SLC5A11: variants seen among roughly 807,000 people sequenced by gnomAD.
The protein encoded by SLC5A11 is solute carrier family 5 member 11.
SLC5A11 carries 48 observed loss-of-function variants against 69.8 expected under a neutral mutation model. The ratio of observed to expected loss-of-function variants is 0.69; its 90% CI spans 0.55 to 0.87. The LOEUF is 0.87. Ranked by LOEUF, SLC5A11 falls within the 40% of genes least tolerant of loss-of-function variation. The probability of loss-of-function intolerance (pLI) is 0.00; values close to 1 mark genes in which losing one functional copy is unlikely to be tolerated. For missense variants in SLC5A11, 784 were observed against 866.1 expected, an observed-to-expected ratio of 0.91 and a Z score of 1.19; for synonymous variants, 319 against 342.4, an observed-to-expected ratio of 0.93 and a Z score of 0.75.
In SLC5A11 at chr16:24,888,781, T is replaced by C. The variant is rs11866463; in HGVS notation, c.665-2088T>C. 1.6e-3 allele frequency among the ~76,000 whole-genome samples: 185 copies of C among 114,758 alleles called. 1 individual carries two copies. Among genetic ancestry groups the C allele is most frequent in the Middle Eastern group, 5.0e-3 (1 of 200 alleles). 75.3% of individuals were successfully genotyped at this position (114,758 alleles called of 152,430 possible). A position where few individuals can be genotyped will look rare whatever the true frequency, so the allele number is the denominator to read the frequency against. On this transcript the variant is annotated intron_variant, in intron 8 of 15. Transcript: ENST00000347898. ...TTACAGGTGTGAGCCACCGTGCCTG[T>C]CCTTTTTTTTTTTTTTTTTTTTTTT...
In SLC5A11 at chr16:24,875,566, G is replaced by C. The variant is rs774926134; in HGVS notation, c.373-61G>C. On this transcript the variant is annotated intron_variant, in intron 5 of 15. Coordinates refer to ENST00000347898, the Ensembl canonical transcript of SLC5A11. ...AGGAGCAGATGGGAAGGGCTTGTGT[G>C]GGGGGGTCACGTGCTGGTGGTGAAG... 4.1e-5 allele frequency: 24 copies of C among 587,284 alleles called. 1 individual carries two copies. Among genetic ancestry groups the C allele is most frequent in the African/African-American group, 1.6e-4 (6 of 37,888 alleles). 36.4% of individuals were successfully genotyped at this position (587,284 alleles called of 1,614,324 possible).
At chr16:24,873,468 C>A (rs2047467810) in intron 5 of SLC5A11, among the ~76,000 whole-genome samples, 1 of 151,716 alleles carries the variant, frequency 6.6e-6, no homozygotes, top group Non-Finnish European at 1.5e-5. Flanking sequence ...CCCATCTCTA[C>A]AAAAATAATT....
chr16:24,888,672 TG>T (rs1273815457), intron 8 of SLC5A11, among the ~76,000 whole-genome samples: 1 of 149,624 alleles, frequency 6.7e-6, no homozygotes, highest in Non-Finnish European at 1.5e-5. Context: ...TTAGTAGAGA[TG>T]GGGTTTCACC....
chr16:24,889,651 C>T (rs796903238), intron 8 of SLC5A11, among the ~76,000 whole-genome samples: 3 of 141,328 alleles, frequency 2.1e-5, no homozygotes, highest in Admixed American at 7.9e-5. Flanking sequence ...CTCCAGGAGA[C>T]GTTCTCCTGC....
At chr16:24,850,511 G>A (rs1486821605) in intron 1 of SLC5A11, among the ~76,000 whole-genome samples, 1 of 152,220 alleles carries the variant, frequency 6.6e-6, no homozygotes, top group African/African-American at 2.4e-5. Flanking sequence ...CCCAGGAGTG[G>A]TAGGAAAGGG....
chr16:24,851,899 T>G (rs1255754881), intron 1 of SLC5A11, among the ~76,000 whole-genome samples: 3 of 151,914 alleles, frequency 2.0e-5, no homozygotes, highest in Non-Finnish European at 2.9e-5. Flanking sequence ...TCCTGGAGAG[T>G]CTGTTGCTCA....
At chr16:24,909,157 ACT>A (rs2050308697) in intron 14 of SLC5A11, 61 bp downstream of exon 15, 1 of 1,542,886 alleles carries the variant, frequency 6.5e-7, no homozygotes. Flanking sequence ...CAGAAAACTG[ACT>A]CAAACTGACT....
At chr16:24,900,386 G>C (rs903856938) in intron 10 of SLC5A11, among the ~76,000 whole-genome samples, 1 of 152,194 alleles carries the variant, frequency 6.6e-6, no homozygotes, top group Non-Finnish European at 1.5e-5. Flanking sequence ...TTAAGAAGCA[G>C]GAGAAAAGAG....
At chr16:24,907,125 G>C in exon 12 of SLC5A11, 2 of 1,614,082 alleles carry the variant, frequency 1.2e-6, no homozygotes, top group South Asian at 1.1e-5. Flanking sequence ...TGGACCTCTG[G>C]AATCACCTCC....
intron 3 of SLC5A11, among the ~76,000 whole-genome samples, chr16:24,865,937 G>A (rs2046891519): frequency 6.6e-6 from 1 of 151,540 alleles, no homozygotes; most frequent in South Asian, 2.1e-4. Flanking sequence ...AAAGACAGTT[G>A]CATAAATAGC....
chr16:24,859,498 T>C (rs1044719251), intron 2 of SLC5A11, among the ~76,000 whole-genome samples: 1 of 152,120 alleles, frequency 6.6e-6, no homozygotes, highest in African/African-American at 2.4e-5. Context: ...AAAAATCACT[T>C]ATGACAAGCG....
chr16:24,849,589 A>ATACATATAT (rs60706405), intron 1 of SLC5A11, among the ~76,000 whole-genome samples: 1 of 63,774 alleles, frequency 1.6e-5, no homozygotes, highest in Non-Finnish European at 3.3e-5. Flanking sequence ...AAAAAAAAAA[A>ATACATATAT]AAAAATATAT....
chr16:24,897,597 T>A (rs274089), intron 9 of SLC5A11, among the ~76,000 whole-genome samples: 30,294 of 152,152 alleles, frequency 0.2, 3,712 homozygotes, highest in South Asian at 0.42. Context: ...ACACTGCTGA[T>A]AAAGACATAC....
At chr16:24,886,600 A>G (rs7200155) in intron 8 of SLC5A11, among the ~76,000 whole-genome samples, 58,630 of 151,862 alleles carry the variant, frequency 0.39, 12,539 homozygotes, top group Non-Finnish European at 0.49. Flanking sequence ...CTAGGTGTGA[A>G]GGGTTTGCTG....
At position 24,877,365 on chromosome 16, in the gene SLC5A11, T is replaced by G; in HGVS notation, c.583+2T>G. ...TCACTGCTGTATACACGGTTGCTGG[T>G]AAGACTGAACAAAGGGTAACACCTA... On this transcript the variant is annotated splice_donor_variant, in intron 7 of 15. Coordinates refer to ENST00000347898, the Ensembl canonical transcript of SLC5A11. LOFTEE classifies it high-confidence loss of function. The G allele has an allele frequency of 6.2e-7, 1 of 1,611,726 alleles. No homozygotes were observed. Among genetic ancestry groups the G allele is most frequent in the Non-Finnish European group, 8.5e-7 (1 of 1,178,082 alleles).
chr16:24,891,439 T>G (rs1388414188), intron 9 of SLC5A11, among the ~76,000 whole-genome samples: 1 of 151,270 alleles, frequency 6.6e-6, no homozygotes, highest in East Asian at 1.9e-4. Flanking sequence ...GTCAGCCTCC[T>G]GAGTAGCTGG....
exon 7 of SLC5A11, chr16:24,877,303 C>T: frequency 6.2e-7 from 1 of 1,614,084 alleles, no homozygotes; most frequent in South Asian, 1.1e-5. Flanking sequence ...GTCTTTGCAC[C>T]TGGATCTGTA....
rs1266188129 is a variant in SLC5A11 at position 24,877,277 on chromosome 16, C to T, written c.497C>T (p.Ala166Val). Residue 166 changes from alanine (A) to valine (V), a missense_variant, in exon 7 of 16, where the codon GCC becomes GTC. By Grantham distance (64) the Ala-to-Val change is moderately conservative. Around this residue, in one of 3 missense-constraint regions of SLC5A11, gnomAD observed 101 missense variants for 152.4 expected, o/e 0.66. Coordinates refer to ENST00000347898, the Ensembl canonical transcript of SLC5A11. Reference sequence around the variant, plus strand: ...TCACAGGTAGACATGTATGCAGGTGCCATCTTCATCCAGCAGTCTTTGCAC... The same window carrying T: ...TCACAGGTAGACATGTATGCAGGTGTCATCTTCATCCAGCAGTCTTTGCAC... 4.3e-6 allele frequency: 7 copies of T among 1,613,906 alleles called. No homozygotes were observed. In the Admixed American group the frequency reaches 8.3e-5, roughly 19 times the overall value.
intron 5 of SLC5A11, among the ~76,000 whole-genome samples, chr16:24,874,117 G>A (rs148373788): frequency 2.2e-4 from 34 of 152,234 alleles, no homozygotes; most frequent in African/African-American, 4.8e-5. Context: ...GTGAGCCACC[G>A]CACCCAGCTT....
Sources: gnomAD v4.1 joint callset for allele counts (sites outside exome capture counted in the v4.1 genomes callset) on GRCh38, gnomAD v4.1.1 for gene constraint, gnomAD v4.1.1 regional missense constraint, MANE v1.5 for transcripts, NCBI Gene and HGNC (gene_info 2026-07-23, HGNC 2026-07-21) for gene names.